The following PGM3 variants were observed in gnomAD, a reference collection of about 807,000 sequenced individuals.
PGM3 encodes phosphoacetylglucosamine mutase.
A neutral mutation model predicts 66.2 loss-of-function variants in PGM3; 40 were observed. The observed-to-expected ratio is 0.60, with a 90% CI of 0.47 to 0.79. The LOEUF is 0.79. Ranked by LOEUF, PGM3 falls within the 30% of genes least tolerant of loss-of-function variation. The pLI is 0.00. For missense variants in PGM3, 537 were observed against 643.4 expected (o/e 0.83, Z 1.79); for synonymous variants, 191 against 224.2 (o/e 0.85, Z 1.32).
downstream of PGM3, among the ~76,000 whole-genome samples, chr6:83,161,421 A>G (rs1365011738): frequency 6.6e-6 from 1 of 152,180 alleles, no homozygotes; most frequent in East Asian, 1.9e-4. Flanking sequence ...TACTGTATAT[A>G]AATTTAAAAG....
the PGM3 span, chr6:83,151,469 A>T: frequency 1.6e-6 from 1 of 616,162 alleles, no homozygotes; most frequent in Non-Finnish European, 2.7e-6. Flanking sequence ...ATATGTATAT[A>T]TATTAAATAT....
chr6:83,186,877 C>G, intron 4 of PGM3, 131 bp downstream of exon 4: 1 of 538,134 alleles, frequency 1.9e-6, no homozygotes, highest in Non-Finnish European at 3.3e-6. Flanking sequence ...TATTTTGTAT[C>G]TAGGAGTTCA....
At chr6:83,152,133 A>G in the PGM3 span, 13 of 1,316,340 alleles carry the variant, frequency 9.9e-6, no homozygotes, top group Non-Finnish European at 1.4e-5. Flanking sequence ...CCCTTTTCTC[A>G]TGTCTAACAA....
In PGM3 at chr6:83,168,328, G is replaced by T. The variant is rs184169348; in HGVS notation, c.*906C>A. ...TATATAAGAGCAAATGTCTGAATGT[G>T]GCCTGAATCAAGTTTAAATATTGTT... On this transcript the variant is annotated 3_prime_UTR_variant, in exon 13 of 13. Transcript: ENST00000513973. The T allele has an allele frequency of 1.7e-5, 24 of 1,416,522 alleles. No homozygotes were observed. The East Asian group carries it at 5.4e-4, about 32-fold the overall frequency. The allele number at this position is 1,416,522 out of a possible 1,614,324, so 87.7% of individuals were successfully genotyped here.
At chr6:83,162,453 C>A (rs1002370439), downstream of PGM3, among the ~76,000 whole-genome samples, 2 of 152,064 alleles carry the variant, frequency 1.3e-5, no homozygotes, top group African/African-American at 4.8e-5. Context: ...ATGAAAACAT[C>A]TTCCTTTTAA....
intron 4 of PGM3, among the ~76,000 whole-genome samples, chr6:83,185,986 C>T (rs1186844939): frequency 1.3e-5 from 2 of 152,068 alleles, no homozygotes; most frequent in African/African-American, 4.8e-5. Flanking sequence ...TGGAAAGCTA[C>T]AAAGACTTCA....
chr6:83,192,508 G>A lies in PGM3; in HGVS notation c.-3+671C>T, dbSNP rs184503636. Among the ~76,000 whole-genome samples the A allele has an allele frequency of 8.4e-4, 128 of 152,258 alleles. 2 individuals carry two copies. The highest frequency in any genetic ancestry group is 2.9e-3 in the African/African-American group (119 of 41,548). ...TTCATTGCTTCAATGAACAGAACTT[G>A]CAAGAAATGGTGAAAAATACTTGCT... On this transcript the variant is annotated intron_variant, in intron 1 of 12. Coordinates refer to ENST00000513973, the MANE Select transcript of PGM3 (RefSeq NM_015599.3).
At chr6:83,159,850 C>T (rs1333730279), downstream of PGM3, 4 of 1,614,166 alleles carry the variant, frequency 2.5e-6, no homozygotes, top group Non-Finnish European at 2.5e-6. Context: ...GAGGTAATGG[C>T]TTCTCTACTT....
At chr6:83,149,019 G>GAA in the PGM3 span, among the ~76,000 whole-genome samples, 1 of 147,612 alleles carries the variant, frequency 6.8e-6, no homozygotes, top group Non-Finnish European at 1.5e-5. Context: ...GCCTGTTTAA[G>GAA]AAAAAAAAAA....
At chr6:83,173,320 G>C in intron 10 of PGM3, among the ~76,000 whole-genome samples, 1 of 152,270 alleles carries the variant, frequency 6.6e-6, no homozygotes. Flanking sequence ...ACTAGCTCTT[G>C]AGAAACTTGC....
intron 7 of PGM3, 141 bp downstream of exon 7, chr6:83,179,669 C>T (rs749426021): frequency 1.5e-5 from 9 of 596,220 alleles, no homozygotes; most frequent in Non-Finnish European, 2.6e-5. Context: ...CTGGGTATTA[C>T]CACTGCTCTT....
At chr6:83,174,023 A>C (rs1382467805) in intron 10 of PGM3, among the ~76,000 whole-genome samples, 1 of 152,092 alleles carries the variant, frequency 6.6e-6, no homozygotes, top group East Asian at 1.9e-4. Context: ...GGCATGAGCC[A>C]CCGTGCCTGG....
chr6:83,185,266 G>C (rs968578509), intron 4 of PGM3, among the ~76,000 whole-genome samples: 1 of 152,186 alleles, frequency 6.6e-6, no homozygotes, highest in Non-Finnish European at 1.5e-5. Context: ...CAGCATTTGT[G>C]CATTTTAAAC....
rs1388422892 is a variant in PGM3 at position 83,174,373 on chromosome 6, C to G, written c.1242+1G>C. On this transcript the variant is annotated splice_donor_variant, in intron 10 of 12. Coordinates refer to ENST00000513973, the MANE Select transcript of PGM3 (RefSeq NM_015599.3). LOFTEE classifies it high-confidence loss of function. ...GAGTCCACTGCCCCATCAGTTCTGACCTGGTTAAACAAGTCAATAATGTTT... is the reference window on the plus strand; with the variant it reads ...GAGTCCACTGCCCCATCAGTTCTGAGCTGGTTAAACAAGTCAATAATGTTT... 1 of 1,508,060 alleles carries G rather than the reference C, an allele frequency of 6.6e-7. No homozygotes were observed. 93.4% of individuals were successfully genotyped at this position (1,508,060 alleles called of 1,614,324 possible). A position where few individuals can be genotyped will look rare whatever the true frequency, so the allele number is the denominator to read the frequency against.
intron 10 of PGM3, among the ~76,000 whole-genome samples, 183 bp downstream of exon 10, chr6:83,174,191 C>G (rs961155086): frequency 1.3e-5 from 2 of 152,068 alleles, no homozygotes; most frequent in Non-Finnish European, 2.9e-5. Flanking sequence ...GGAAGGGAAG[C>G]ATATTAAAAA....
chr6:83,153,780 T>C, the PGM3 span: 2 of 1,253,708 alleles, frequency 1.6e-6, no homozygotes, highest in Non-Finnish European at 2.2e-6. Flanking sequence ...TTATGGTGCT[T>C]TCTATTTCAT....
downstream of PGM3, chr6:83,162,998 G>A: frequency 6.9e-7 from 1 of 1,441,880 alleles, no homozygotes; most frequent in Non-Finnish European, 9.3e-7. Flanking sequence ...ATACTTCCTG[G>A]GAAACTGAGA....
chr6:83,189,456 GTCAA>G (rs1023761163), intron 2 of PGM3, among the ~76,000 whole-genome samples: 2 of 152,214 alleles, frequency 1.3e-5, no homozygotes, highest in African/African-American at 4.8e-5. Flanking sequence ...CTTCCTAGAA[GTCAA>G]TCAGTCAATC....
chr6:83,171,859 T>G, intron 11 of PGM3, 78 bp downstream of exon 11: 648 of 1,082,908 alleles, frequency 6.0e-4, no homozygotes, highest in Non-Finnish European at 8.0e-4. Context: ...CATATGTCAG[T>G]GAGATATAAT....
Sources: allele counts gnomAD v4.1 joint callset (sites outside exome capture counted in the v4.1 genomes callset), GRCh38; gene constraint gnomAD v4.1.1; transcripts MANE v1.5; gene names NCBI Gene and HGNC (gene_info 2026-07-23, HGNC 2026-07-21).